Variants in WWC2 observed in about 807,000 individuals in gnomAD.
WWC2 encodes the protein protein WWC2.
A neutral mutation model predicts 138.5 loss-of-function variants in WWC2; 101 were observed. The observed-to-expected ratio is 0.73, with a 90% CI of 0.62 to 0.86. WWC2 has a LOEUF of 0.86. Ranked by LOEUF, WWC2 falls within the 40% of genes least tolerant of loss-of-function variation. The probability of loss-of-function intolerance (pLI) is 0.00; values close to 1 mark genes in which losing one functional copy is unlikely to be tolerated. For synonymous variants in WWC2, 558 were observed against 538.4 expected (o/e 1.04, Z -0.50); for missense variants, 1,420 against 1,419.4 (o/e 1.00, Z -0.01).
At chr4:183,265,620 G>A (rs1737475259) in intron 12 of WWC2, 68 bp from the exon 13 acceptor site, 1 of 1,471,044 alleles carries the variant, frequency 6.8e-7, no homozygotes, top group African/African-American at 1.4e-5. Flanking sequence ...TCACTAAGTG[G>A]CAAACTGTTA....
At chr4:183,237,624 C>T (rs1736468566) in intron 4 of WWC2, among the ~76,000 whole-genome samples, 2 of 152,120 alleles carry the variant, frequency 1.3e-5, no homozygotes, top group Admixed American at 1.3e-4. Context: ...TATTTATAAA[C>T]TGGGCCTTGA....
intron 21 of WWC2, among the ~76,000 whole-genome samples, chr4:183,295,896 A>T (rs553536775): frequency 6.6e-6 from 1 of 152,244 alleles, no homozygotes; most frequent in Admixed American, 6.5e-5. Flanking sequence ...TGTTTCTCAG[A>T]CATAGTGTAA....
intron 1 of WWC2, among the ~76,000 whole-genome samples, chr4:183,150,112 G>A (rs1398225331): frequency 1.3e-5 from 2 of 152,202 alleles, no homozygotes; most frequent in Non-Finnish European, 1.5e-5. Flanking sequence ...AGGTTGGACA[G>A]GGAGTGAGAG....
chr4:183,311,828 C>T (rs937434413), intron 21 of WWC2, among the ~76,000 whole-genome samples: 7 of 152,016 alleles, frequency 4.6e-5, no homozygotes, highest in African/African-American at 7.2e-5. Context: ...CCGCCTGCCT[C>T]GGCCTCCCAA....
intron 1 of WWC2, among the ~76,000 whole-genome samples, chr4:183,153,645 C>CTT (rs397964355): frequency 0.012 from 1,585 of 129,026 alleles, 58 homozygotes; most frequent in African/African-American, 0.044. Context: ...TAGAAGTAGT[C>CTT]TTTTTTTTTT....
intron 21 of WWC2, among the ~76,000 whole-genome samples, chr4:183,305,934 G>T (rs1421508971): frequency 6.6e-6 from 1 of 152,180 alleles, no homozygotes; most frequent in Admixed American, 6.5e-5. Flanking sequence ...ACATACACGT[G>T]TGTGTATGCT....
chr4:183,241,822 G>A (rs1243202863), intron 5 of WWC2, among the ~76,000 whole-genome samples: 4 of 152,178 alleles, frequency 2.6e-5, no homozygotes, highest in Non-Finnish European at 5.9e-5. Flanking sequence ...GTGCCGTAAC[G>A]TGTTTAGCCA....
chr4:183,179,524 T>G (rs533918495), intron 1 of WWC2, among the ~76,000 whole-genome samples: 1 of 151,984 alleles, frequency 6.6e-6, no homozygotes, highest in South Asian at 2.1e-4. Flanking sequence ...AAAATAGTTG[T>G]AAATAGGGCT....
chr4:183,289,705 A>G, intron 21 of WWC2, 70 bp downstream of exon 21: 1 of 1,558,288 alleles, frequency 6.4e-7, no homozygotes, highest in East Asian at 2.3e-5. Context: ...TGTAGAAGGT[A>G]CCCAACTTAC....
rs372451405 is a variant in WWC2, at chr4:183,196,800, A to G, written c.241+3092A>G. Among the ~76,000 whole-genome samples the G allele has an allele frequency of 1.4e-3, 206 of 152,322 alleles. 1 individual carries two copies. Among genetic ancestry groups the G allele is most frequent in the African/African-American group, 4.8e-3 (200 of 41,582 alleles). On this transcript the variant is annotated intron_variant, in intron 2 of 22. Coordinates refer to ENST00000403733, the MANE Select transcript of WWC2 (RefSeq NM_024949.6). ...ACATCCTTCTAGGGGCAGTCTGCTC[A>G]GGTGCCACTGCTTCCCACAGGCCTT...
rs138568650 is a variant in WWC2 at position 183,285,939 on chromosome 4, A to AT, written c.3049-18dup. On this transcript the variant is annotated intron_variant, in intron 19 of 22. Transcript: ENST00000403733. Reference sequence around the variant, plus strand: ...CTTGCACTCTGTTTGATATGCAGTGATTTTTTTTTTAAATCTTTTGTTGCC... The same window carrying AT: ...CTTGCACTCTGTTTGATATGCAGTGATTTTTTTTTTTAAATCTTTTGTTGCC... 5.0e-3 allele frequency: 7,127 copies of AT among 1,435,824 alleles called. 40 individuals carry two copies. Among genetic ancestry groups the AT allele is most frequent in the Non-Finnish European group, 4.6e-3 (4,842 of 1,051,328 alleles). The allele number at this position is 1,435,824 out of a possible 1,614,324, so 88.9% of individuals were successfully genotyped here.
intron 1 of WWC2, among the ~76,000 whole-genome samples, chr4:183,122,341 A>G (rs1732629561): frequency 6.6e-6 from 1 of 152,200 alleles, no homozygotes; most frequent in South Asian, 2.1e-4. Context: ...CCTAAAATCA[A>G]CAAGGAGATA....
Position 183,320,427 on chromosome 4 carries a change from C to T in WWC2, c.*4698C>T, listed in dbSNP as rs1739606246. 2 of 601,424 alleles carry T rather than the reference C, an allele frequency of 3.3e-6. No homozygotes were observed. Among genetic ancestry groups the T allele is most frequent in the Non-Finnish European group, 5.9e-6 (2 of 337,890 alleles). The allele number at this position is 601,424 out of a possible 1,614,324, so 37.3% of individuals were successfully genotyped here. On this transcript the variant is annotated 3_prime_UTR_variant, in exon 23 of 23. Coordinates refer to ENST00000403733, the MANE Select transcript of WWC2 (RefSeq NM_024949.6). ...GAAATAATGCCGCCAACCAGTAATGCCAAGGTGTGGCCAAGATTGTGTTTG... is the reference window on the plus strand; with the variant it reads ...GAAATAATGCCGCCAACCAGTAATGTCAAGGTGTGGCCAAGATTGTGTTTG...
intron 5 of WWC2, 97 bp from the exon 6 acceptor site, chr4:183,245,319 C>A: frequency 9.6e-7 from 1 of 1,038,056 alleles, no homozygotes; most frequent in Non-Finnish European, 1.2e-6. Flanking sequence ...GTGAAATAAT[C>A]ATCCAACTGA....
chr4:183,320,527 C>G lies in WWC2; in HGVS notation c.*4798C>G, dbSNP rs1194552503. 2.8e-6 allele frequency: 1 copy of G among 352,112 alleles called. No homozygotes were observed. The highest frequency in any genetic ancestry group is 5.4e-6 in the Non-Finnish European group (1 of 186,388). The allele number at this position is 352,112 out of a possible 1,614,324, so 21.8% of individuals were successfully genotyped here. On this transcript the variant is annotated 3_prime_UTR_variant, in exon 23 of 23. Transcript: ENST00000403733. The stretch of plus-strand genomic sequence containing the variant: ...TTAAGTGATAATCTCCTTTCATTGT[C>G]AAGGTTAAAATGGCTTTCATGTTAT...
chr4:183,265,219 G>C (rs1737463417), intron 12 of WWC2, 112 bp downstream of exon 12: 1 of 1,376,744 alleles, frequency 7.3e-7, no homozygotes, highest in African/African-American at 1.4e-5. Flanking sequence ...GCTTAGTAAG[G>C]ACTTTAGCCG....
At position 183,151,256 on chromosome 4, in the gene WWC2, T is replaced by A. The variant is rs1561437576; in HGVS notation, c.132-42343T>A. Among the ~76,000 whole-genome samples the A allele has an allele frequency of 6.6e-5, 10 of 152,316 alleles. No individual in the cohort carries two copies. The South Asian group carries it at 2.1e-3, about 32-fold the overall frequency. Reference sequence around the variant, plus strand: ...CTAACTGGTGTGAGATGGTATCTCATTGTGGTTTTGATTTGCATTTCTCTG... The same window carrying A: ...CTAACTGGTGTGAGATGGTATCTCAATGTGGTTTTGATTTGCATTTCTCTG... On this transcript the variant is annotated intron_variant, in intron 1 of 22. Transcript: ENST00000403733.
chr4:183,288,887 T>A (rs1043372020), intron 20 of WWC2, among the ~76,000 whole-genome samples: 4 of 152,096 alleles, frequency 2.6e-5, no homozygotes, highest in African/African-American at 9.7e-5. Context: ...ATGGTAGGAG[T>A]TATGTGTCCT....
At chr4:183,293,955 G>A (rs1738548272) in intron 21 of WWC2, among the ~76,000 whole-genome samples, 1 of 151,796 alleles carries the variant, frequency 6.6e-6, no homozygotes, top group African/African-American at 2.4e-5. Flanking sequence ...TGTAGAGCAG[G>A]GGTCTGTAAG....
Sources: gnomAD v4.1 joint callset for allele counts (sites outside exome capture counted in the v4.1 genomes callset) on GRCh38, gnomAD v4.1.1 for gene constraint, MANE v1.5 for transcripts, NCBI Gene and HGNC (gene_info 2026-07-23, HGNC 2026-07-21) for gene names.